NR3C2: variants seen among roughly 807,000 people sequenced by gnomAD.
NR3C2 encodes nuclear receptor subfamily 3 group C member 2, also known as mineralocorticoid receptor.
In NR3C2, 15 loss-of-function variants were observed where a neutral mutation model predicts 86.4. The ratio of observed to expected loss-of-function variants is 0.17; its 90% CI spans 0.12 to 0.27. NR3C2 has a LOEUF of 0.27. NR3C2 is among the 10% of genes least tolerant of loss of function. The pLI is 1.00. For synonymous variants in NR3C2, 458 were observed against 450.5 expected, an observed-to-expected ratio of 1.02 and a Z score of -0.21; for missense variants, 960 against 1,195.6, an observed-to-expected ratio of 0.80 and a Z score of 2.91.
intron 2 of NR3C2, among the ~76,000 whole-genome samples, chr4:148,304,281 G>C (rs905944481): frequency 6.7e-6 from 1 of 149,834 alleles, no homozygotes; most frequent in African/African-American, 2.5e-5. Flanking sequence ...CAGGAGAAGG[G>C]AACCCAGAAG....
chr4:148,133,586 A>G (rs1733135863), intron 6 of NR3C2, among the ~76,000 whole-genome samples: 1 of 152,262 alleles, frequency 6.6e-6, no homozygotes, highest in Non-Finnish European at 1.5e-5. Flanking sequence ...TTCCTACTAC[A>G]ATAAAAGATT....
chr4:148,302,846 C>CA (rs35574035), intron 2 of NR3C2, among the ~76,000 whole-genome samples: 2,236 of 88,292 alleles, frequency 0.025, 71 homozygotes, highest in Admixed American at 0.1. Context: ...AACTCCGTCT[C>CA]AAAAAAAAAA....
chr4:148,427,711 G>C (rs540545566), intron 2 of NR3C2, among the ~76,000 whole-genome samples: 6 of 152,136 alleles, frequency 3.9e-5, no homozygotes, highest in Non-Finnish European at 7.3e-5. Context: ...TGTCTTCAGG[G>C]ATGGGAACCC....
chr4:148,416,908 T>C (rs1238098999), intron 2 of NR3C2, among the ~76,000 whole-genome samples: 2 of 152,184 alleles, frequency 1.3e-5, no homozygotes, highest in Non-Finnish European at 2.9e-5. Flanking sequence ...CCTGAGTAGC[T>C]GGGATAACAG....
intron 2 of NR3C2, among the ~76,000 whole-genome samples, chr4:148,304,540 C>T (rs544518416): frequency 1.9e-4 from 29 of 152,126 alleles, no homozygotes; most frequent in African/African-American, 7.0e-4. Flanking sequence ...CTGCTGGGGA[C>T]CCTTAGATAG....
At chr4:148,300,588 A>AT (rs1230657445) in intron 2 of NR3C2, among the ~76,000 whole-genome samples, 67,122 of 127,662 alleles carry the variant, frequency 0.53, 18,961 homozygotes, top group African/African-American at 0.61. Context: ...CTTGCTACTC[A>AT]TTTTTTTTTT....
At chr4:148,085,191 A>G (rs1271005760) in intron 8 of NR3C2, among the ~76,000 whole-genome samples, 1 of 152,198 alleles carries the variant, frequency 6.6e-6, no homozygotes, top group Non-Finnish European at 1.5e-5. Context: ...AATCAACAGA[A>G]CATACATTCT....
At chr4:148,114,019 ACT>A in intron 8 of NR3C2, 83 bp downstream of exon 8, 1 of 1,515,770 alleles carries the variant, frequency 6.6e-7, no homozygotes, top group Non-Finnish European at 9.1e-7. Flanking sequence ...CACCCTGAAA[ACT>A]CTCAGTCTCT....
intron 3 of NR3C2, among the ~76,000 whole-genome samples, chr4:148,197,642 T>A (rs527984818): frequency 1.0e-3 from 159 of 151,538 alleles, no homozygotes; most frequent in South Asian, 3.4e-3. Flanking sequence ...AAAAGGATTT[T>A]AAAAAAAAAT....
In NR3C2 at chr4:148,186,988, GTATGTATGTATATA is replaced by G. The variant is rs1343080922; in HGVS notation, c.2014+7744_2014+7757del. ...ATAGTATTCCATCATACTGATGTGT[GTATGTATGTATATA>G]TATATATATATATATATATATATAT... is the stretch of plus-strand genomic sequence containing the variant. On this transcript the variant is annotated intron_variant, in intron 4 of 8. Transcript: ENST00000358102. Among the ~76,000 whole-genome samples, 61 of 13,690 alleles carry G rather than the reference GTATGTATGTATATA, an allele frequency of 4.5e-3. 1 individual carries two copies. The highest frequency in any genetic ancestry group is 0.05 in the Middle Eastern group (1 of 20). 9.0% of individuals were successfully genotyped at this position (13,690 alleles called of 152,430 possible). A position where few individuals can be genotyped will look rare whatever the true frequency, so the allele number is the denominator to read the frequency against.
At chr4:148,366,284 T>G (rs1002637216) in intron 2 of NR3C2, among the ~76,000 whole-genome samples, 3 of 152,014 alleles carry the variant, frequency 2.0e-5, no homozygotes. Context: ...CCCAAATCCT[T>G]TTCCTTGGGC....
intron 2 of NR3C2, among the ~76,000 whole-genome samples, chr4:148,317,657 A>C (rs913482861): frequency 2.0e-5 from 3 of 152,124 alleles, no homozygotes. Flanking sequence ...GTTCAGTTTT[A>C]ATTTTCCTTG....
At chr4:148,179,698 A>G (rs933046607) in intron 4 of NR3C2, among the ~76,000 whole-genome samples, 1 of 151,736 alleles carries the variant, frequency 6.6e-6, no homozygotes, top group African/African-American at 2.4e-5. Flanking sequence ...TTATAATCAC[A>G]AGAGTTAAAA....
Position 148,155,048 on chromosome 4 carries a change from A to G in NR3C2, c.2015-147T>C, listed in dbSNP as rs1233829281. ...TTTATTCCACTAAGAGAAAATATATAAAGCTCAATTATTATTACTTACTAT... is the reference window on the plus strand; with the variant it reads ...TTTATTCCACTAAGAGAAAATATATGAAGCTCAATTATTATTACTTACTAT... On this transcript the variant is annotated intron_variant, in intron 4 of 8. Transcript: ENST00000358102. 15 of 692,562 alleles carry G rather than the reference A, an allele frequency of 2.2e-5. No individual in the cohort carries two copies. The South Asian group carries it at 2.4e-4, about 11-fold the overall frequency. The allele number at this position is 692,562 out of a possible 1,614,324, so 42.9% of individuals were successfully genotyped here. A position where few individuals can be genotyped will look rare whatever the true frequency, so the allele number is the denominator to read the frequency against.
At chr4:148,386,209 C>T (rs1259265785) in intron 2 of NR3C2, among the ~76,000 whole-genome samples, 1 of 152,064 alleles carries the variant, frequency 6.6e-6, no homozygotes, top group East Asian at 1.9e-4. Context: ...AAATTGAGGA[C>T]TCCTCTCCCC....
At chr4:148,230,877 C>G (rs10519948) in intron 3 of NR3C2, among the ~76,000 whole-genome samples, 2,353 of 152,300 alleles carry the variant, frequency 0.015, 65 homozygotes, top group African/African-American at 0.053. Context: ...TATAGGTTAA[C>G]AACAGCTAAA....
At chr4:148,436,890 T>TA (rs948097302) in intron 1 of NR3C2, 28 bp from the exon 2 acceptor site, 8 of 1,535,942 alleles carry the variant, frequency 5.2e-6, no homozygotes, top group Non-Finnish European at 6.2e-6. Context: ...ATTAAAAAAT[T>TA]AGAGTCAGTT....
chr4:148,276,128 C>T (rs1013346961), intron 2 of NR3C2, among the ~76,000 whole-genome samples: 48 of 152,204 alleles, frequency 3.2e-4, no homozygotes, highest in African/African-American at 1.2e-3. Context: ...TCTTGGAGTC[C>T]TTATTGTGAA....
At chr4:148,442,751 G>A (rs1330605142), upstream of NR3C2, 1 of 985,286 alleles carries the variant, frequency 1.0e-6, no homozygotes. Flanking sequence ...GGGAGCTTGG[G>A]GTGCCGGGCG....
Sources: gnomAD v4.1 joint callset for allele counts (sites outside exome capture counted in the v4.1 genomes callset) on GRCh38, gnomAD v4.1.1 for gene constraint, MANE v1.5 for transcripts, NCBI Gene and HGNC (gene_info 2026-07-23, HGNC 2026-07-21) for gene names.